The following PCDHGB5 variants were observed in gnomAD, a reference collection of about 807,000 sequenced individuals.
PCDHGB5 encodes protocadherin gamma subfamily B, 5, also known as protocadherin gamma-B5.
A neutral mutation model predicts 62.9 loss-of-function variants in PCDHGB5; 48 were observed. The ratio of observed to expected loss-of-function variants is 0.76; its 90% CI spans 0.61 to 0.97. The LOEUF (loss-of-function observed/expected upper bound fraction) is 0.97, where lower values mean the gene tolerates loss of function less well. Ranked by LOEUF, PCDHGB5 falls within the 50% of genes least tolerant of loss-of-function variation. The pLI, the probability that PCDHGB5 is intolerant of heterozygous loss-of-function variation, is 0.00. For missense variants in PCDHGB5, 1,118 were observed against 1,198.6 expected (o/e 0.93, Z 0.99); for synonymous variants, 474 against 511.2 (o/e 0.93, Z 0.98).
chr5:141,414,434 C>T (rs774467993), intron 1 of PCDHGB5: 5 of 1,613,704 alleles, frequency 3.1e-6, no homozygotes, highest in Non-Finnish European at 3.4e-6. Context: ...GAACAGGTAT[C>T]CTCTTACAAT....
At chr5:141,474,965 A>G (rs1268347441) in intron 1 of PCDHGB5, among the ~76,000 whole-genome samples, 1 of 152,236 alleles carries the variant, frequency 6.6e-6, no homozygotes, top group Non-Finnish European at 1.5e-5. Context: ...TATCCTAATC[A>G]TTATAATTTT....
At chr5:141,478,644 T>G in intron 1 of PCDHGB5, 1 of 1,552,238 alleles carries the variant, frequency 6.4e-7, no homozygotes, top group South Asian at 1.2e-5. Context: ...GATGAAGATG[T>G]TTTCCTGGTG....
At chr5:141,408,818 A>G in intron 1 of PCDHGB5, 1 of 1,613,578 alleles carries the variant, frequency 6.2e-7, no homozygotes, top group South Asian at 1.1e-5. Flanking sequence ...GGAAGAACAG[A>G]GATCTCATAG....
intron 1 of PCDHGB5, chr5:141,422,866 G>C: frequency 1.2e-6 from 2 of 1,614,216 alleles, no homozygotes; most frequent in Non-Finnish European, 8.5e-7. Context: ...CAGCAGCAAC[G>C]TGTCGCTGAG....
At chr5:141,507,239 G>C (rs2099859378) in intron 3 of PCDHGB5, 1 of 152,310 alleles carries the variant, frequency 6.6e-6, no homozygotes, top group Non-Finnish European at 1.5e-5. Context: ...CCCAGTTACA[G>C]TTGAATGTCA....
At chr5:141,509,376 C>A (rs2099876528) in intron 3 of PCDHGB5, among the ~76,000 whole-genome samples, 1 of 152,122 alleles carries the variant, frequency 6.6e-6, no homozygotes, top group African/African-American at 2.4e-5. Flanking sequence ...TTAACTGTCT[C>A]CTAACCACAG....
At chr5:141,427,059 G>C (rs751016646) in intron 1 of PCDHGB5, 1 of 457,744 alleles carries the variant, frequency 2.2e-6, no homozygotes, top group South Asian at 1.5e-5. Context: ...AGGCACCTCT[G>C]TACTAAAGGT....
Position 141,485,606 on chromosome 5 carries a change from G to T in PCDHGB5, c.2398-9201G>T, listed in dbSNP as rs2099616630. On this transcript the variant is annotated intron_variant, in intron 1 of 3. Transcript: ENST00000617380. The surrounding 1 kb of genome is among the most constrained non-coding windows in gnomAD (Gnocchi z 5.7). ...GCAGCTGGACTTGGAAATTGGGGAG[G>T]CAGCTCCTCCAGGACAGCGTTTCCC... is the stretch of plus-strand genomic sequence containing the variant. 1.2e-6 allele frequency: 2 copies of T among 1,612,362 alleles called. No homozygotes were observed. The highest frequency in any genetic ancestry group is 4.5e-5 in the East Asian group (2 of 44,840).
chr5:141,510,852 G>A (rs2099883073), intron 3 of PCDHGB5, 95 bp from the exon 4 acceptor site: 2 of 1,601,096 alleles, frequency 1.2e-6, no homozygotes, highest in Non-Finnish European at 1.7e-6. Flanking sequence ...GGCCCAGGGT[G>A]CTGTATAGGC....
At position 141,484,932 on chromosome 5, in the gene PCDHGB5, C is replaced by T. The variant is rs1594431677; in HGVS notation, c.2398-9875C>T. On this transcript the variant is annotated intron_variant, in intron 1 of 3. Coordinates refer to ENST00000617380, the MANE Select transcript of PCDHGB5 (RefSeq NM_018925.3). ...CGCATTAACCCTGCTGCTGTTGGGA[C>T]GTTCTCTGCTCAGCCTATTGGCTGA... 1.2e-5 allele frequency: 6 copies of T among 501,356 alleles called. No individual in the cohort carries two copies. The East Asian group carries it at 1.4e-4, about 12-fold the overall frequency. 31.1% of individuals were successfully genotyped at this position (501,356 alleles called of 1,614,324 possible).
rs2093783867 is a variant in PCDHGB5, at chr5:141,399,309, C to G, written c.1182C>G (p.Ser394=). Reference sequence around the variant, plus strand: ...TCCCTTTTAAGATTATCTCTTCATCCAAAAATTCGTATAAGTTGGTAACAG... The same window carrying G: ...TCCCTTTTAAGATTATCTCTTCATCGAAAAATTCGTATAAGTTGGTAACAG... ...GEVPFKIISS[S]KNSYKLVTDG... Residue 394 remains serine (S), a synonymous_variant, in exon 1 of 4, where the codon TCC becomes TCG. Transcript: ENST00000617380. 6.2e-7 allele frequency: 1 copy of G among 1,613,902 alleles called. No homozygotes were observed. The highest frequency in any genetic ancestry group is 8.5e-7 in the Non-Finnish European group (1 of 1,179,866).
At chr5:141,468,889 G>T (rs2099184580) in intron 1 of PCDHGB5, among the ~76,000 whole-genome samples, 1 of 151,496 alleles carries the variant, frequency 6.6e-6, no homozygotes, top group African/African-American at 2.4e-5. Flanking sequence ...ATAATAATAA[G>T]GTACTAATAT....
chr5:141,422,397 C>T (rs753017439), intron 1 of PCDHGB5: 4 of 1,597,606 alleles, frequency 2.5e-6, no homozygotes, highest in East Asian at 4.5e-5. Context: ...TTCCTAACCA[C>T]CTGCCTTTTA....
At chr5:141,461,278 C>T (rs2099012353) in intron 1 of PCDHGB5, among the ~76,000 whole-genome samples, 1 of 152,086 alleles carries the variant, frequency 6.6e-6, no homozygotes, top group South Asian at 2.1e-4. Context: ...GTTCTCTTTT[C>T]CCCACATCCA....
rs141556649 is a variant in PCDHGB5 at position 141,492,225 on chromosome 5, C to T, written c.2398-2582C>T. ...GTGTGCGCGCGGGGCTCATGCGTGT[C>T]CTCCCTGCTGGCCACCCCCACGGCC... On this transcript the variant is annotated intron_variant, in intron 1 of 3. Transcript: ENST00000617380. Among the ~76,000 whole-genome samples the T allele has an allele frequency of 2.4e-3, 361 of 152,274 alleles. No individual in the cohort carries two copies. In the Middle Eastern group the frequency reaches 0.024, roughly 10 times the overall value.
In PCDHGB5 at chr5:141,505,323, G is replaced by T. The variant is rs996747379; in HGVS notation, c.2457-70G>T. 12 of 1,606,640 alleles carry T rather than the reference G, an allele frequency of 7.5e-6. No homozygotes were observed. In the African/African-American group the frequency reaches 1.5e-4, roughly 20 times the overall value. On this transcript the variant is annotated intron_variant, in intron 2 of 3. Transcript: ENST00000617380. Reference sequence around the variant, plus strand: ...TAGGGTACTAGGTTTGGGAGCCCTGGGAGAGGACAGGAGGGGCATGAGCTG... The same window carrying T: ...TAGGGTACTAGGTTTGGGAGCCCTGTGAGAGGACAGGAGGGGCATGAGCTG...
chr5:141,433,742 C>G (rs927651405), intron 1 of PCDHGB5, among the ~76,000 whole-genome samples: 1 of 150,826 alleles, frequency 6.6e-6, no homozygotes, highest in Non-Finnish European at 1.5e-5. Flanking sequence ...GAGGCTGAGT[C>G]AGGAGAATTG....
At chr5:141,468,330 C>CAAAAA (rs533390277) in intron 1 of PCDHGB5, 4 of 79,848 alleles carry the variant, frequency 5.0e-5, no homozygotes, top group African/African-American at 7.8e-5. Context: ...AACTCCATCT[C>CAAAAA]AAAAAAAAAA....
At position 141,491,289 on chromosome 5, in the gene PCDHGB5, C is replaced by T. The variant is rs2099710219; in HGVS notation, c.2398-3518C>T. ...CCAAATCCAGTGACTTCCTCATACA[C>T]CCTCCTGAGCGTTCAGACCTTACCC... On this transcript the variant is annotated intron_variant, in intron 1 of 3. Transcript: ENST00000617380. The surrounding 1 kb of genome is among the most constrained non-coding windows in gnomAD (Gnocchi z 6.9). 2 of 1,614,112 alleles carry T rather than the reference C, an allele frequency of 1.2e-6. No homozygotes were observed. The highest frequency in any genetic ancestry group is 1.7e-6 in the Non-Finnish European group (2 of 1,179,942).
Sources: allele counts gnomAD v4.1 joint callset (sites outside exome capture counted in the v4.1 genomes callset), GRCh38; gene constraint gnomAD v4.1.1; non-coding constraint Gnocchi (gnomAD v3.1); transcripts MANE v1.5; gene names NCBI Gene and HGNC (gene_info 2026-07-23, HGNC 2026-07-21).